The following RAP1GDS1 variants were observed in gnomAD, a reference collection of about 807,000 sequenced individuals.
RAP1GDS1 encodes the protein RAP1, GTP-GDP dissociation stimulator 1.
A neutral mutation model predicts 71.1 loss-of-function variants in RAP1GDS1; 35 were observed. The ratio of observed to expected loss-of-function variants is 0.49; its 90% CI spans 0.38 to 0.65. RAP1GDS1 has a LOEUF of 0.65. Among genes scored for constraint, RAP1GDS1 ranks in the 30% least tolerant of loss-of-function variants. RAP1GDS1 has a pLI of 0.00. For synonymous variants in RAP1GDS1, 229 were observed against 243.1 expected, an observed-to-expected ratio of 0.94 and a Z score of 0.54; for missense variants, 663 against 706.1, an observed-to-expected ratio of 0.94 and a Z score of 0.69.
intron 2 of RAP1GDS1, among the ~76,000 whole-genome samples, chr4:98,298,145 T>C (rs1254001038): frequency 1.3e-5 from 2 of 152,238 alleles, no homozygotes; most frequent in South Asian, 2.1e-4. Flanking sequence ...TTAAGAAAAG[T>C]TGGACACTAG....
intron 2 of RAP1GDS1, among the ~76,000 whole-genome samples, chr4:98,340,439 A>G (rs1283120372): frequency 6.6e-6 from 1 of 152,124 alleles, no homozygotes; most frequent in Middle Eastern, 3.2e-3. Context: ...ACACATTCTC[A>G]CTTAAGTGGG....
intron 2 of RAP1GDS1, among the ~76,000 whole-genome samples, chr4:98,323,198 T>TAC (rs1732283834): frequency 1.4e-5 from 2 of 145,372 alleles, no homozygotes; most frequent in Admixed American, 1.4e-4. Flanking sequence ...CCTTGACACA[T>TAC]ACACTCTCCC....
At chr4:98,402,539 A>G (rs1200006103) in intron 6 of RAP1GDS1, among the ~76,000 whole-genome samples, 3 of 152,154 alleles carry the variant, frequency 2.0e-5, no homozygotes, top group Non-Finnish European at 4.4e-5. Flanking sequence ...ACATTAAAGA[A>G]TCATACTTAA....
At chr4:98,367,947 A>C (rs1739766799) in intron 4 of RAP1GDS1, among the ~76,000 whole-genome samples, 1 of 152,018 alleles carries the variant, frequency 6.6e-6, no homozygotes, top group Non-Finnish European at 1.5e-5. Context: ...ATTTGGGGGA[A>C]TGTTGGGAAG....
chr4:98,372,041 C>T (rs924992734), intron 4 of RAP1GDS1, among the ~76,000 whole-genome samples: 21 of 152,046 alleles, frequency 1.4e-4, no homozygotes, highest in Non-Finnish European at 2.9e-4. Context: ...CCCACAAAGG[C>T]GGGTTTATTT....
intron 6 of RAP1GDS1, among the ~76,000 whole-genome samples, chr4:98,399,815 C>G (rs1329471022): frequency 6.6e-6 from 1 of 152,056 alleles, no homozygotes; most frequent in Non-Finnish European, 1.5e-5. Context: ...AAAAAGAACT[C>G]ACACTGGGAG....
chr4:98,401,105 A>T (rs955006540), intron 6 of RAP1GDS1, among the ~76,000 whole-genome samples: 1 of 152,198 alleles, frequency 6.6e-6, no homozygotes, highest in African/African-American at 2.4e-5. Flanking sequence ...TTATCGTCCC[A>T]TGTGGCATGC....
intron 1 of RAP1GDS1, among the ~76,000 whole-genome samples, chr4:98,280,617 G>GATCCC (rs1394467388): frequency 2.6e-5 from 4 of 152,198 alleles, no homozygotes; most frequent in African/African-American, 9.6e-5. Context: ...AGTTTAATTA[G>GATCCC]ATCCCATTTG....
At position 98,392,080 on chromosome 4, in the gene RAP1GDS1, G is replaced by T; in HGVS notation, c.637G>T (p.Glu213Ter). 3 of 1,610,692 alleles carry T rather than the reference G, an allele frequency of 1.9e-6. No individual in the cohort carries two copies. In the South Asian group the frequency reaches 3.3e-5, roughly 18 times the overall value. ...TGCATTTGGTAATTTAGCAGAACTT[G>T]GTAAGTCTTAGTCATGAACCACAAA... ...LVAFGNLAEL[E>*]SSKEQFASTN... Residue 213 changes from glutamate to a stop codon, truncating the protein, a stop_gained and splice_region_variant, in exon 6 of 15, where the codon GAG becomes TAG. Coordinates refer to ENST00000408927, the MANE Select transcript of RAP1GDS1 (RefSeq NM_001100427.2). LOFTEE classifies it high-confidence loss of function.
intron 4 of RAP1GDS1, among the ~76,000 whole-genome samples, chr4:98,376,540 G>A (rs1231254711): frequency 2.0e-5 from 3 of 151,810 alleles, no homozygotes; most frequent in Non-Finnish European, 2.9e-5. Context: ...TTTTGCTAAA[G>A]GAACACATTA....
At chr4:98,429,353 C>T (rs1251312900) in intron 12 of RAP1GDS1, among the ~76,000 whole-genome samples, 2 of 151,922 alleles carry the variant, frequency 1.3e-5, no homozygotes, top group African/African-American at 2.4e-5. Flanking sequence ...ATGGCATTCG[C>T]AGCAACCTGG....
chr4:98,362,734 C>T (rs1472411406), intron 4 of RAP1GDS1, among the ~76,000 whole-genome samples: 1 of 152,070 alleles, frequency 6.6e-6, no homozygotes, highest in Non-Finnish European at 1.5e-5. Context: ...TGTTCTCTCC[C>T]TTTGAGGATA....
At chr4:98,345,483 T>C (rs1327554001) in intron 3 of RAP1GDS1, among the ~76,000 whole-genome samples, 1 of 152,184 alleles carries the variant, frequency 6.6e-6, no homozygotes, top group Non-Finnish European at 1.5e-5. Flanking sequence ...CCATAAATTA[T>C]AGTAAAAGAT....
Position 98,423,736 on chromosome 4 carries a change from G to T in RAP1GDS1, c.1440+2342G>T, listed in dbSNP as rs529193924. On this transcript the variant is annotated intron_variant, in intron 12 of 14. Coordinates refer to ENST00000408927, the MANE Select transcript of RAP1GDS1 (RefSeq NM_001100427.2). ...ATTTTGTATTTTTAGTAGAGACGGGGTTTCTCCATTTTGGTCAGGCTGGTC... is the reference window on the plus strand; with the variant it reads ...ATTTTGTATTTTTAGTAGAGACGGGTTTTCTCCATTTTGGTCAGGCTGGTC... Among the ~76,000 whole-genome samples, 701 of 152,098 alleles carry T rather than the reference G, an allele frequency of 4.6e-3. 3 individuals carry two copies. The highest frequency in any genetic ancestry group is 7.8e-3 in the Admixed American group (119 of 15,276).
chr4:98,375,090 C>T (rs1257705121), intron 4 of RAP1GDS1, among the ~76,000 whole-genome samples: 1 of 147,466 alleles, frequency 6.8e-6, no homozygotes, highest in Non-Finnish European at 1.5e-5. Context: ...TATTGTTTCA[C>T]AGTTCCAGAG....
chr4:98,438,588 A>AT (rs1214035409), intron 14 of RAP1GDS1, among the ~76,000 whole-genome samples: 2 of 86,942 alleles, frequency 2.3e-5, no homozygotes, highest in Non-Finnish European at 4.1e-5. Context: ...ATATATATAT[A>AT]TCTTTTTTTT....
rs777011871 is a variant in RAP1GDS1, at chr4:98,436,968, T to G, written c.1596T>G (p.Ala532=). 2 of 1,609,386 alleles carry G rather than the reference T, an allele frequency of 1.2e-6. No homozygotes were observed. The highest frequency in any genetic ancestry group is 2.2e-5 in the South Asian group (2 of 89,920). The change falls in exon 14 of 15, where the codon GCT becomes GCG. Residue 532 remains alanine (A), a synonymous_variant. Transcript: ENST00000408927. ...CTGCTGAGAAAGATCTAGAAAGTGC[T>G]AAACTTGTACAGATTTTACATAGAC... The part of the protein sequence containing the change: ...LGTAEKDLES[A]KLVQILHRLL...
intron 4 of RAP1GDS1, among the ~76,000 whole-genome samples, chr4:98,362,430 G>A (rs2110444658): frequency 6.6e-6 from 1 of 152,278 alleles, no homozygotes; most frequent in African/African-American, 2.4e-5. Flanking sequence ...ACATGATTGT[G>A]CTACCACACT....
chr4:98,430,693 G>A (rs183725644), intron 12 of RAP1GDS1, among the ~76,000 whole-genome samples: 16 of 152,258 alleles, frequency 1.1e-4, no homozygotes, highest in East Asian at 7.7e-4. Context: ...TACACTGGAC[G>A]TACTTTGGAA....
Sources: allele counts gnomAD v4.1 joint callset (sites outside exome capture counted in the v4.1 genomes callset), GRCh38; gene constraint gnomAD v4.1.1; transcripts MANE v1.5; gene names NCBI Gene and HGNC (gene_info 2026-07-23, HGNC 2026-07-21).